Variants in CACNA1C observed in about 807,000 individuals in gnomAD.
CACNA1C encodes voltage-dependent L-type calcium channel subunit alpha-1C.
In CACNA1C, 30 loss-of-function variants were observed where a neutral mutation model predicts 229.0. That is an observed-to-expected ratio of 0.13 (90% CI 0.10 to 0.18). CACNA1C has a LOEUF of 0.18. Ranked by LOEUF, CACNA1C falls within the 10% of genes least tolerant of loss-of-function variation. The probability of loss-of-function intolerance (pLI) is 1.00; values close to 1 mark genes in which losing one functional copy is unlikely to be tolerated. For synonymous variants in CACNA1C, 1,114 were observed against 1,132.5 expected (o/e 0.98, Z 0.33); for missense variants, 1,658 against 2,845.0 (o/e 0.58, Z 9.49).
rs116008155 is a variant in CACNA1C, at chr12:2,348,463, A to G, written c.478-100513A>G. Among the ~76,000 whole-genome samples the G allele has an allele frequency of 5.1e-3, 772 of 152,308 alleles. 2 individuals carry two copies. Among genetic ancestry groups the G allele is most frequent in the African/African-American group, 0.017 (713 of 41,566 alleles). On this transcript the variant is annotated intron_variant, in intron 3 of 46. Transcript: ENST00000399655. This position sits in a 1 kb window ranked among gnomAD's most constrained non-coding sequence, Gnocchi z 4.7. Reference sequence around the variant, plus strand: ...AGAACCCCCTTTCCCGTTGGCGTGTATGGTGTCTTCTCGCTGAGCCACAGC... The same window carrying G: ...AGAACCCCCTTTCCCGTTGGCGTGTGTGGTGTCTTCTCGCTGAGCCACAGC...
chr12:2,341,535 C>T (rs1228369585), intron 3 of CACNA1C, among the ~76,000 whole-genome samples: 1 of 152,168 alleles, frequency 6.6e-6, no homozygotes, highest in Non-Finnish European at 1.5e-5. Context: ...AGCCACAGGC[C>T]CCTGTGCACA....
intron 24 of CACNA1C, among the ~76,000 whole-genome samples, chr12:2,606,394 C>A (rs562242880): frequency 6.6e-6 from 1 of 152,022 alleles, no homozygotes; most frequent in East Asian, 1.9e-4. Context: ...CCCATGGACC[C>A]GAGCTCCTGT....
chr12:2,210,385 G>A (rs553940343), intron 3 of CACNA1C, among the ~76,000 whole-genome samples: 1 of 152,346 alleles, frequency 6.6e-6, no homozygotes, highest in South Asian at 2.1e-4. Context: ...TCAGTGGGAT[G>A]TGATGATAGT....
At chr12:2,617,389 G>A (rs1215095046) in intron 29 of CACNA1C, among the ~76,000 whole-genome samples, 1 of 152,196 alleles carries the variant, frequency 6.6e-6, no homozygotes, top group Non-Finnish European at 1.5e-5. Flanking sequence ...GGGAGGGCCA[G>A]GGGGCTCTGG....
At chr12:2,481,847 C>T (rs532883382) in intron 5 of CACNA1C, among the ~76,000 whole-genome samples, 5 of 152,232 alleles carry the variant, frequency 3.3e-5, no homozygotes, top group Admixed American at 6.5e-5. Context: ...GTTCACAGAA[C>T]GTTTGTCAGC....
rs2062102491 is a variant in CACNA1C, at chr12:2,585,552, A to T, written c.2460+56A>T. Reference sequence around the variant, plus strand: ...AGGCCGGTGCTGGGGAGGGAGGGCCACAGCCTTCCCAGGCCAGAACCCTGT... The same window carrying T: ...AGGCCGGTGCTGGGGAGGGAGGGCCTCAGCCTTCCCAGGCCAGAACCCTGT... On this transcript the variant is annotated intron_variant, in intron 17 of 46. Transcript: ENST00000399655. This position sits in a 1 kb window ranked among gnomAD's most constrained non-coding sequence, Gnocchi z 4.1. The T allele has an allele frequency of 1.3e-6, 2 of 1,493,780 alleles. No individual in the cohort carries two copies. The allele number at this position is 1,493,780 out of a possible 1,614,324, so 92.5% of individuals were successfully genotyped here.
rs1261962600 is a variant in CACNA1C, at chr12:2,693,882, A to G, written c.*2683A>G. The G allele has an allele frequency of 1.3e-5, 2 of 152,148 alleles. No homozygotes were observed. The highest frequency in any genetic ancestry group is 4.8e-5 in the African/African-American group (2 of 41,406). 9.4% of individuals were successfully genotyped at this position (152,148 alleles called of 1,614,324 possible). ...TGGCACATATATAAGTAAGCTAGAA[A>G]TTACAATAAGGGACAGTCCATTCCT... On this transcript the variant is annotated 3_prime_UTR_variant, in exon 47 of 47. Coordinates refer to ENST00000399655, the MANE Select transcript of CACNA1C (RefSeq NM_000719.7).
At chr12:2,668,473 T>C (rs1418192091) in intron 37 of CACNA1C, 1 of 164,280 alleles carries the variant, frequency 6.1e-6, no homozygotes, top group Non-Finnish European at 1.3e-5. Context: ...ATCCTTGCAC[T>C]GCTGTAAAGA....
intron 1 of CACNA1C, among the ~76,000 whole-genome samples, chr12:2,093,120 TTCA>T (rs1161582552): frequency 6.6e-6 from 1 of 152,224 alleles, no homozygotes; most frequent in African/African-American, 2.4e-5. Flanking sequence ...CCACTTTCGT[TTCA>T]GGCCCAAATT....
intron 3 of CACNA1C, among the ~76,000 whole-genome samples, chr12:2,229,915 C>T (rs1201034785): frequency 6.6e-6 from 1 of 152,110 alleles, no homozygotes; most frequent in African/African-American, 2.4e-5. Flanking sequence ...AGATTTTGAG[C>T]GGGTGTGGCG....
At chr12:2,621,476 T>G (rs1218652122) in intron 29 of CACNA1C, among the ~76,000 whole-genome samples, 2 of 152,104 alleles carry the variant, frequency 1.3e-5, no homozygotes, top group Non-Finnish European at 2.9e-5. Flanking sequence ...AGGATCACGG[T>G]GAGGGGTGTG....
At chr12:2,162,429 G>A (rs1001644165) in intron 3 of CACNA1C, among the ~76,000 whole-genome samples, 2 of 151,900 alleles carry the variant, frequency 1.3e-5, no homozygotes, top group Non-Finnish European at 2.9e-5. Flanking sequence ...AAAGTTGGGG[G>A]AAATAGCAAG....
chr12:2,585,997 A>C lies in CACNA1C; in HGVS notation c.2530+93A>C. The C allele has an allele frequency of 2.9e-6, 2 of 679,262 alleles. No individual in the cohort carries two copies. Among genetic ancestry groups the C allele is most frequent in the East Asian group, 2.8e-5 (1 of 35,394 alleles). The allele number at this position is 679,262 out of a possible 1,614,324, so 42.1% of individuals were successfully genotyped here. A position where few individuals can be genotyped will look rare whatever the true frequency, so the allele number is the denominator to read the frequency against. On this transcript the variant is annotated intron_variant, in intron 18 of 46. Coordinates refer to ENST00000399655, the MANE Select transcript of CACNA1C (RefSeq NM_000719.7). The surrounding 1 kb of genome is among the most constrained non-coding windows in gnomAD (Gnocchi z 4.1). ...TGGGAGTGGCCATATATTAGGGACC[A>C]TGGTTCCAGTGTCCCTCTGTAAGTA...
At chr12:2,184,467 T>C (rs1438304089) in intron 3 of CACNA1C, among the ~76,000 whole-genome samples, 1 of 152,196 alleles carries the variant, frequency 6.6e-6, no homozygotes, top group Admixed American at 6.5e-5. Context: ...CTTCGGTGAA[T>C]ACGTTAGGGT....
chr12:2,461,779 T>C (rs1418833680), intron 5 of CACNA1C, among the ~76,000 whole-genome samples: 2 of 152,198 alleles, frequency 1.3e-5, no homozygotes, highest in Non-Finnish European at 2.9e-5. Context: ...CTATGAGCTT[T>C]ACCTTCCAAA....
At chr12:2,256,088 C>CACGATCCTGACCTG (rs1439717910) in intron 3 of CACNA1C, among the ~76,000 whole-genome samples, 2 of 152,206 alleles carry the variant, frequency 1.3e-5, no homozygotes, top group Non-Finnish European at 1.5e-5. Context: ...TTTACAATCA[C>CACGATCCTGACCTG]ACCTCCTGTT....
intron 29 of CACNA1C, among the ~76,000 whole-genome samples, chr12:2,616,724 G>A (rs1251803453): frequency 3.3e-5 from 5 of 152,212 alleles, no homozygotes; most frequent in Admixed American, 6.5e-5. Context: ...TCTAACAGCC[G>A]TGAGCCCCTC....
Position 2,348,237 on chromosome 12 carries a change from T to C in CACNA1C, c.478-100739T>C, listed in dbSNP as rs145559887. On this transcript the variant is annotated intron_variant, in intron 3 of 46. Coordinates refer to ENST00000399655, the MANE Select transcript of CACNA1C (RefSeq NM_000719.7). This position sits in a 1 kb window ranked among gnomAD's most constrained non-coding sequence, Gnocchi z 4.7. The stretch of plus-strand genomic sequence containing the variant: ...GCTGTGCCTGACTCCTGAGGCCTTC[T>C]GCTCACCGGAAGGGGGGCAGGTCTG... Among the ~76,000 whole-genome samples, 168 of 152,282 alleles carry C rather than the reference T, an allele frequency of 1.1e-3. No individual in the cohort carries two copies. The highest frequency in any genetic ancestry group is 3.9e-3 in the African/African-American group (164 of 41,576).
At chr12:2,149,063 T>C (rs1380979874) in intron 3 of CACNA1C, among the ~76,000 whole-genome samples, 1 of 152,198 alleles carries the variant, frequency 6.6e-6, no homozygotes, top group Non-Finnish European at 1.5e-5. Flanking sequence ...AGATGTGGTC[T>C]TGGGGGTCAC....
Sources: gnomAD v4.1 joint callset for allele counts (sites outside exome capture counted in the v4.1 genomes callset) on GRCh38, gnomAD v4.1.1 for gene constraint, Gnocchi (gnomAD v3.1) non-coding constraint, MANE v1.5 for transcripts, NCBI Gene and HGNC (gene_info 2026-07-23, HGNC 2026-07-21) for gene names.